Variants in ANK1 observed in about 807,000 individuals in gnomAD.
ANK1 encodes the protein ankyrin 1.
ANK1 carries 51 observed loss-of-function variants against 210.4 expected under a neutral mutation model. The ratio of observed to expected loss-of-function variants is 0.24; its 90% CI spans 0.19 to 0.31. ANK1 has a LOEUF of 0.31. Among genes scored for constraint, ANK1 ranks in the 10% least tolerant of loss-of-function variants. The probability of loss-of-function intolerance (pLI) is 1.00; values close to 1 mark genes in which losing one functional copy is unlikely to be tolerated. For synonymous variants in ANK1, 967 were observed against 1,025.9 expected (o/e 0.94, Z 1.10); for missense variants, 2,051 against 2,504.4 (o/e 0.82, Z 3.86).
chr8:41,810,492 G>C (rs974076796), intron 1 of ANK1, among the ~76,000 whole-genome samples: 6 of 152,298 alleles, frequency 3.9e-5, no homozygotes, highest in Admixed American at 1.3e-4. Context: ...AGCCATCTGT[G>C]GCCCCTCTGC....
At chr8:41,825,103 C>G (rs937532268) in intron 1 of ANK1, among the ~76,000 whole-genome samples, 1 of 152,228 alleles carries the variant, frequency 6.6e-6, no homozygotes, top group East Asian at 1.9e-4. Context: ...GGGCTGAGCC[C>G]GGCTACTTCC....
upstream of ANK1, among the ~76,000 whole-genome samples, chr8:41,800,129 G>A (rs1014142682): frequency 4.6e-5 from 7 of 152,074 alleles, no homozygotes; most frequent in Admixed American, 6.5e-5. Context: ...TTTTGCTCCC[G>A]GATTATGAGA....
At chr8:41,835,591 G>T (rs1332456820) in intron 1 of ANK1, among the ~76,000 whole-genome samples, 1 of 152,236 alleles carries the variant, frequency 6.6e-6, no homozygotes, top group Non-Finnish European at 1.5e-5. Flanking sequence ...GGGGCGAGGG[G>T]AGGAGCGGGG....
chr8:41,850,261 T>C (rs1426009044), intron 1 of ANK1, among the ~76,000 whole-genome samples: 2 of 152,168 alleles, frequency 1.3e-5, no homozygotes, highest in African/African-American at 4.8e-5. Flanking sequence ...GAATGCCTAA[T>C]AACTGTTGAA....
At chr8:41,732,557 C>T (rs188880008) in intron 3 of ANK1, among the ~76,000 whole-genome samples, 14 of 152,034 alleles carry the variant, frequency 9.2e-5, no homozygotes, top group African/African-American at 3.4e-4. Context: ...GGATTACAGG[C>T]CTGTGCCACC....
intron 1 of ANK1, among the ~76,000 whole-genome samples, chr8:41,851,499 C>T (rs541440974): frequency 1.3e-5 from 2 of 152,356 alleles, no homozygotes; most frequent in South Asian, 4.1e-4. Context: ...GCCTGCTGGG[C>T]CTCACTTCCT....
chr8:41,693,417 CTTTTTTTTTTTTTTTTT>C (rs71239074), intron 29 of ANK1, among the ~76,000 whole-genome samples: 3 of 45,234 alleles, frequency 6.6e-5, no homozygotes, highest in African/African-American at 3.0e-4. Flanking sequence ...GGGGCATGGA[CTTTTTTTTTTTTTTTTT>C]TTTTTTTTTT....
chr8:41,692,994 G>C (rs1319575784), intron 30 of ANK1, 111 bp downstream of exon 30: 3 of 1,513,970 alleles, frequency 2.0e-6, no homozygotes, highest in Non-Finnish European at 2.8e-6. Context: ...TGTGGTCACG[G>C]AGGCTTCCAC....
At chr8:41,854,584 G>A (rs1811839269) in intron 1 of ANK1, among the ~76,000 whole-genome samples, 2 of 152,158 alleles carry the variant, frequency 1.3e-5, no homozygotes, top group Non-Finnish European at 2.9e-5. Flanking sequence ...GGCAGTGAGG[G>A]CCTTCCAGTT....
At chr8:41,780,689 T>C (rs1845109637) in intron 1 of ANK1, among the ~76,000 whole-genome samples, 1 of 152,268 alleles carries the variant, frequency 6.6e-6, no homozygotes. Flanking sequence ...TACACATGTG[T>C]GCATGCCTGT....
intron 2 of ANK1, among the ~76,000 whole-genome samples, chr8:41,741,698 T>A (rs969522341): frequency 6.6e-6 from 1 of 152,218 alleles, no homozygotes; most frequent in Non-Finnish European, 1.5e-5. Flanking sequence ...TTTGAAATTC[T>A]GTTTACTCAG....
At chr8:41,848,274 CCT>C (rs1415118488) in intron 1 of ANK1, among the ~76,000 whole-genome samples, 3 of 152,208 alleles carry the variant, frequency 2.0e-5, no homozygotes, top group Non-Finnish European at 4.4e-5. Flanking sequence ...CTAGCACATT[CCT>C]CTGCATAAAA....
intron 38 of ANK1, among the ~76,000 whole-genome samples, chr8:41,671,306 C>T (rs975537847): frequency 1.3e-5 from 2 of 152,190 alleles, no homozygotes; most frequent in Admixed American, 6.5e-5. Flanking sequence ...TTATCAGCTC[C>T]GTCACATGCA....
At chr8:41,890,802 GA>G (rs1245303797) in intron 1 of ANK1, among the ~76,000 whole-genome samples, 4 of 151,950 alleles carry the variant, frequency 2.6e-5, no homozygotes, top group African/African-American at 9.7e-5. Context: ...CAAGGTGGGG[GA>G]AACAATAGAT....
intron 1 of ANK1, among the ~76,000 whole-genome samples, chr8:41,846,012 C>T (rs1384123712): frequency 1.3e-5 from 2 of 152,200 alleles, no homozygotes; most frequent in East Asian, 1.9e-4. Flanking sequence ...CAGTGTTCAG[C>T]ATGCATGGAA....
chr8:41,737,790 G>A (rs1057355347), intron 2 of ANK1, among the ~76,000 whole-genome samples: 7 of 152,196 alleles, frequency 4.6e-5, no homozygotes, highest in Admixed American at 2.6e-4. Flanking sequence ...AAGATGGTCC[G>A]GGAATGCAAT....
intron 2 of ANK1, among the ~76,000 whole-genome samples, chr8:41,750,452 C>T (rs935810535): frequency 2.2e-4 from 33 of 152,224 alleles, no homozygotes; most frequent in African/African-American, 7.7e-4. Context: ...CCTAAGTATG[C>T]ACGATTGCAC....
chr8:41,762,020 G>A (rs13279038), intron 1 of ANK1, among the ~76,000 whole-genome samples: 15,947 of 152,158 alleles, frequency 0.1, 945 homozygotes, highest in South Asian at 0.15. Context: ...CTTCCTGCCA[G>A]CCCTCCCCAA....
At chr8:41,843,843 G>A (rs1809502286) in intron 1 of ANK1, among the ~76,000 whole-genome samples, 1 of 152,178 alleles carries the variant, frequency 6.6e-6, no homozygotes, top group African/African-American at 2.4e-5. Context: ...GTCGGGAAGG[G>A]TCTCCATAAA....
Sources: allele counts gnomAD v4.1 joint callset (sites outside exome capture counted in the v4.1 genomes callset), GRCh38; gene constraint gnomAD v4.1.1; transcripts MANE v1.5; gene names NCBI Gene and HGNC (gene_info 2026-07-23, HGNC 2026-07-21).